Variants in NUP133 observed in about 807,000 individuals in gnomAD.
NUP133 encodes nuclear pore complex protein Nup133.
Under a neutral mutation model 146.2 loss-of-function variants are expected in NUP133, and 66 were observed. The ratio of observed to expected loss-of-function variants is 0.45; its 90% CI spans 0.37 to 0.55. The LOEUF (loss-of-function observed/expected upper bound fraction) is 0.55, where lower values mean the gene tolerates loss of function less well. NUP133 is among the 20% of genes least tolerant of loss of function. The probability of loss-of-function intolerance (pLI) is 0.00; values close to 1 mark genes in which losing one functional copy is unlikely to be tolerated. For synonymous variants in NUP133, 521 were observed against 498.8 expected (o/e 1.04, Z -0.59); for missense variants, 1,277 against 1,374.8 (o/e 0.93, Z 1.12).
At chr1:229,504,786 G>C (rs1006108370) in intron 2 of NUP133, among the ~76,000 whole-genome samples, 9 of 152,158 alleles carry the variant, frequency 5.9e-5, no homozygotes, top group Non-Finnish European at 1.3e-4. Flanking sequence ...ATCGTAGTCT[G>C]AAAATATTAA....
chr1:229,472,872 A>G (rs538432426), intron 14 of NUP133, among the ~76,000 whole-genome samples: 57 of 152,040 alleles, frequency 3.7e-4, no homozygotes, highest in African/African-American at 1.3e-3. Context: ...TGTTGGTGTT[A>G]CTTCCACCCC....
At chr1:229,449,216 T>C in intron 23 of NUP133, 26 bp from the exon 24 acceptor site, 1 of 1,498,738 alleles carries the variant, frequency 6.7e-7, no homozygotes, top group Non-Finnish European at 9.2e-7. Flanking sequence ...AAAAAAATCC[T>C]GATTAAATCC....
intron 1 of NUP133, among the ~76,000 whole-genome samples, chr1:229,506,636 G>A (rs1449563816): frequency 6.6e-6 from 1 of 151,874 alleles, no homozygotes; most frequent in Non-Finnish European, 1.5e-5. Flanking sequence ...GGCCGGAGCA[G>A]TGGCTCATGT....
chr1:229,469,917 T>C (rs934707826), intron 15 of NUP133, among the ~76,000 whole-genome samples: 1 of 152,158 alleles, frequency 6.6e-6, no homozygotes, highest in African/African-American at 2.4e-5. Context: ...TCCCAGCTAC[T>C]TGGGAGGCTG....
intron 12 of NUP133, 38 bp from the exon 13 acceptor site, chr1:229,477,798 C>A: frequency 1.3e-6 from 2 of 1,504,926 alleles, no homozygotes; most frequent in South Asian, 1.3e-5. Flanking sequence ...TTAAGGGAGG[C>A]AAAATATTTT....
chr1:229,480,646 T>C (rs1558101084), intron 12 of NUP133, among the ~76,000 whole-genome samples: 1 of 152,114 alleles, frequency 6.6e-6, no homozygotes, highest in Non-Finnish European at 1.5e-5. Flanking sequence ...GACGATAACT[T>C]TGGGCATCAC....
intron 21 of NUP133, among the ~76,000 whole-genome samples, chr1:229,457,915 C>G (rs1004988307): frequency 6.6e-6 from 1 of 152,148 alleles, no homozygotes; most frequent in Non-Finnish European, 1.5e-5. Flanking sequence ...CATAATCAGA[C>G]CTCTCCAATC....
At position 229,506,467 on chromosome 1, in the gene NUP133, T is replaced by TC. The variant is rs995331018; in HGVS notation, c.183-310dup. 9.9e-5 allele frequency among the ~76,000 whole-genome samples: 15 copies of TC among 151,136 alleles called. 1 individual carries two copies. The highest frequency in any genetic ancestry group is 3.9e-4 in the East Asian group (2 of 5,190). On this transcript the variant is annotated intron_variant, in intron 1 of 25. Coordinates refer to ENST00000261396, the MANE Select transcript of NUP133 (RefSeq NM_018230.3). The stretch of plus-strand genomic sequence containing the variant: ...GACCAGTGTTTTTTTTTTTTTTTTT[T>TC]CAAACAGCGGGTCATTTTGCAGATC...
chr1:229,448,783 T>C, intron 24 of NUP133: 1 of 293,426 alleles, frequency 3.4e-6, no homozygotes, highest in Non-Finnish European at 6.4e-6. Context: ...TTCTATGAGC[T>C]GCTCTAGCAA....
rs375137512 is a variant in NUP133, at chr1:229,460,749, G to T, written c.2706C>A (p.Phe902Leu). The T allele has an allele frequency of 3.8e-5, 62 of 1,611,120 alleles. No individual in the cohort carries two copies. The highest frequency in any genetic ancestry group is 2.0e-5 in the Non-Finnish European group (23 of 1,178,850). The change falls in exon 20 of 26, where the codon TTC becomes TTA. Residue 902 changes from phenylalanine to leucine, a missense_variant. This residue lies in a region of NUP133 where 952 missense variants were observed against 1,047.0 expected (regional missense o/e 0.91). Transcript: ENST00000261396. Reference sequence around the variant, plus strand: ...GCTTTCCTTTCTCCAGATACCAACGGAAGAGAAAGTCTGAAAAATTCTACA... The same window carrying T: ...GCTTTCCTTTCTCCAGATACCAACGTAAGAGAAAGTCTGAAAAATTCTACA... The part of the protein sequence containing the change: ...FADQNFSDFL[F>L]RWYLEKGKRG...
chr1:229,475,850 C>T (rs905998463), intron 13 of NUP133, 118 bp from the exon 14 acceptor site: 2 of 759,912 alleles, frequency 2.6e-6, no homozygotes, highest in Admixed American at 4.6e-5. Flanking sequence ...TGGCTCACAC[C>T]TGTAATCCGA....
At chr1:229,445,964 A>G (rs1571902553) in intron 24 of NUP133, among the ~76,000 whole-genome samples, 2 of 152,248 alleles carry the variant, frequency 1.3e-5, no homozygotes, top group East Asian at 3.8e-4. Context: ...GAAGGCTTTT[A>G]GCAGTCAATT....
rs1244746395 is a variant in NUP133, at chr1:229,470,630, C to T, written c.2026G>A (p.Glu676Lys). The T allele has an allele frequency of 5.6e-6, 9 of 1,614,094 alleles. No homozygotes were observed. Among genetic ancestry groups the T allele is most frequent in the Admixed American group, 1.7e-5 (1 of 59,998 alleles). Reference protein sequence around the residue: ...TAILIALNKREYEIPSNLTPA... With the variant: ...TAILIALNKRKYEIPSNLTPA... Reference sequence around the variant, plus strand: ...GTCAGGTTGGATGGGATTTCATACTCCCTCTTGTTCAAAGCAATCAATATG... The same window carrying T: ...GTCAGGTTGGATGGGATTTCATACTTCCTCTTGTTCAAAGCAATCAATATG... Residue 676 changes from glutamate (E) to lysine (K), a missense_variant, in exon 15 of 26, where the codon GAG becomes AAG. Glu to Lys is a moderately conservative substitution (Grantham distance 56). Coordinates refer to ENST00000261396, the MANE Select transcript of NUP133 (RefSeq NM_018230.3).
At position 229,495,997 on chromosome 1, in the gene NUP133, C is replaced by T. The variant is rs147071617; in HGVS notation, c.870G>A (p.Thr290=). The T allele has an allele frequency of 8.8e-5, 142 of 1,610,610 alleles. No homozygotes were observed. The African/African-American group carries it at 1.6e-3, about 18-fold the overall frequency. The change falls in exon 7 of 26, where the codon ACG becomes ACA. Residue 290 remains threonine, a synonymous_variant. Transcript: ENST00000261396. ...DRERSSFYSL[T]SSNISKWELD... Reference sequence around the variant, plus strand: ...ATTCCCATTTACTGATGTTTGAACTCGTCAGGCTATAAAAGCTTGATCTCT... The same window carrying T: ...ATTCCCATTTACTGATGTTTGAACTTGTCAGGCTATAAAAGCTTGATCTCT...
At chr1:229,457,037 AG>A (rs977733045) in intron 21 of NUP133, among the ~76,000 whole-genome samples, 1 of 151,872 alleles carries the variant, frequency 6.6e-6, no homozygotes, top group African/African-American at 2.4e-5. Context: ...TAAGTTGCCT[AG>A]GCTGGCACAA....
At chr1:229,461,504 G>A (rs1660689098) in intron 19 of NUP133, among the ~76,000 whole-genome samples, 1 of 152,194 alleles carries the variant, frequency 6.6e-6, no homozygotes, top group Non-Finnish European at 1.5e-5. Context: ...CTAATGAACT[G>A]AGTCATCTTC....
intron 13 of NUP133, among the ~76,000 whole-genome samples, chr1:229,476,224 G>GT (rs1420819636): frequency 6.6e-6 from 1 of 152,118 alleles, no homozygotes; most frequent in African/African-American, 2.4e-5. Context: ...AATTTTGGAG[G>GT]TTTGATACAA....
At chr1:229,505,840 A>T (rs535815114) in intron 2 of NUP133, among the ~76,000 whole-genome samples, 200 bp downstream of exon 2, 1 of 152,268 alleles carries the variant, frequency 6.6e-6, no homozygotes, top group East Asian at 1.9e-4. Flanking sequence ...GTGAGCTGAG[A>T]TCACACCACT....
intron 9 of NUP133, 57 bp from the exon 10 acceptor site, chr1:229,487,670 G>GT (rs1661395819): frequency 9.3e-5 from 124 of 1,330,544 alleles, no homozygotes; most frequent in Middle Eastern, 1.9e-4. Context: ...ATATTTGTAT[G>GT]ATTTTTTAAA....
Sources: allele counts gnomAD v4.1 joint callset (sites outside exome capture counted in the v4.1 genomes callset), GRCh38; gene constraint gnomAD v4.1.1; regional missense constraint gnomAD v4.1.1; transcripts MANE v1.5; gene names NCBI Gene and HGNC (gene_info 2026-07-23, HGNC 2026-07-21).